Variants in KALRN observed in about 807,000 individuals in gnomAD.
KALRN encodes the protein kalirin RhoGEF kinase.
Under a neutral mutation model 353.7 loss-of-function variants are expected in KALRN, and 70 were observed. That is an observed-to-expected ratio of 0.20 (90% CI 0.16 to 0.24). The LOEUF is 0.24. Among genes scored for constraint, KALRN ranks in the 10% least tolerant of loss-of-function variants. The pLI, the probability that KALRN is intolerant of heterozygous loss-of-function variation, is 1.00. For missense variants in KALRN, 2,791 were observed against 3,756.7 expected (o/e 0.74, Z 6.72); for synonymous variants, 1,391 against 1,434.8 (o/e 0.97, Z 0.69).
chr3:124,301,990 C>T (rs555185695), intron 6 of KALRN, among the ~76,000 whole-genome samples: 2 of 152,254 alleles, frequency 1.3e-5, no homozygotes, highest in Non-Finnish European at 2.9e-5. Flanking sequence ...TTCACAGATC[C>T]CTTTGAAATC....
At chr3:124,257,738 C>T (rs1282063053) in intron 3 of KALRN, among the ~76,000 whole-genome samples, 1 of 152,178 alleles carries the variant, frequency 6.6e-6, no homozygotes, top group African/African-American at 2.4e-5. Context: ...AGGGCAGTGG[C>T]TGCCTTCTCC....
chr3:124,199,421 G>A (rs894226978), intron 1 of KALRN, among the ~76,000 whole-genome samples: 1 of 152,176 alleles, frequency 6.6e-6, no homozygotes, highest in African/African-American at 2.4e-5. Context: ...TCCTCCCTGG[G>A]ATCTGTGGAG....
At chr3:124,096,008 C>G (rs1055582016) in intron 1 of KALRN, 2 of 152,028 alleles carry the variant, frequency 1.3e-5, no homozygotes, top group African/African-American at 4.8e-5. Context: ...GGAAACCAAA[C>G]CAGCACACAC....
intron 5 of KALRN, among the ~76,000 whole-genome samples, chr3:124,285,736 A>G (rs1221905806): frequency 6.6e-6 from 1 of 152,118 alleles, no homozygotes; most frequent in African/African-American, 2.4e-5. Context: ...GGGTTTTGCC[A>G]TGTCGGCCAG....
At position 124,495,986 on chromosome 3, in the gene KALRN, T is replaced by TACAC. The variant is rs1328398797; in HGVS notation, c.4833-324_4833-323insCACA. 2.5e-4 allele frequency among the ~76,000 whole-genome samples: 13 copies of TACAC among 52,786 alleles called. No individual in the cohort carries two copies. The South Asian group carries it at 4.1e-3, about 17-fold the overall frequency. The allele number at this position is 52,786 out of a possible 152,430, so 34.6% of individuals were successfully genotyped here. Reference sequence around the variant, plus strand: ...GTATGTATATATATATATATATATATATATATATATATATATATATATATA... The same window carrying TACAC: ...GTATGTATATATATATATATATATATACACATATATATATATATATATATATATA... On this transcript the variant is annotated intron_variant, in intron 32 of 59. Transcript: ENST00000682506.
At chr3:124,227,554 A>G (rs2078660213) in intron 1 of KALRN, among the ~76,000 whole-genome samples, 1 of 151,848 alleles carries the variant, frequency 6.6e-6, no homozygotes, top group Non-Finnish European at 1.5e-5. Flanking sequence ...AATTCAACAG[A>G]TATTTCCTGA....
chr3:124,566,017 C>T (rs189916502), intron 34 of KALRN, among the ~76,000 whole-genome samples: 2 of 152,292 alleles, frequency 1.3e-5, no homozygotes, highest in African/African-American at 4.8e-5. Context: ...ATTCTGCCAA[C>T]CAGCATAGCT....
At chr3:124,718,443 G>C (rs1455785696) in intron 59 of KALRN, among the ~76,000 whole-genome samples, 1 of 152,098 alleles carries the variant, frequency 6.6e-6, no homozygotes, top group African/African-American at 2.4e-5. Flanking sequence ...CTATTAAAGA[G>C]AATCTGGGCT....
At chr3:124,296,783 C>A (rs548131007) in intron 5 of KALRN, among the ~76,000 whole-genome samples, 22 of 152,352 alleles carry the variant, frequency 1.4e-4, no homozygotes, top group African/African-American at 5.3e-4. Flanking sequence ...TGGGCTATCC[C>A]AGTTCTGTCG....
intron 25 of KALRN, among the ~76,000 whole-genome samples, chr3:124,474,372 G>A (rs536022188): frequency 1.4e-4 from 22 of 152,146 alleles, no homozygotes; most frequent in African/African-American, 5.3e-4. Flanking sequence ...ATTCTTACTT[G>A]CTGATAAAAA....
chr3:124,463,431 A>G (rs2060038266), intron 25 of KALRN, among the ~76,000 whole-genome samples: 1 of 152,194 alleles, frequency 6.6e-6, no homozygotes, highest in Admixed American at 6.5e-5. Context: ...GGCCATGTGT[A>G]CAGGTGTAGC....
intron 1 of KALRN, among the ~76,000 whole-genome samples, chr3:124,138,697 G>A (rs975037679): frequency 2.0e-5 from 3 of 152,144 alleles, no homozygotes; most frequent in African/African-American, 7.2e-5. Context: ...GGTCTTCATA[G>A]ATCAGTCATC....
chr3:124,595,106 A>T (rs924542), intron 34 of KALRN, among the ~76,000 whole-genome samples: 37,074 of 151,986 alleles, frequency 0.24, 4,711 homozygotes, highest in East Asian at 0.32. Context: ...GAAAATACAG[A>T]TAAGTGAAGA....
At chr3:124,287,155 A>G (rs188484391) in intron 5 of KALRN, among the ~76,000 whole-genome samples, 175 of 152,254 alleles carry the variant, frequency 1.1e-3, no homozygotes, top group African/African-American at 4.1e-3. Flanking sequence ...CAGAGAGCTC[A>G]TGAAAGCCTC....
intron 33 of KALRN, among the ~76,000 whole-genome samples, chr3:124,511,238 T>C (rs1342268804): frequency 6.6e-6 from 1 of 152,216 alleles, no homozygotes; most frequent in East Asian, 1.9e-4. Flanking sequence ...TAACAATGAG[T>C]TGAACACTCT....
intron 33 of KALRN, among the ~76,000 whole-genome samples, chr3:124,534,941 G>A (rs569379409): frequency 7.8e-4 from 119 of 152,160 alleles, no homozygotes; most frequent in African/African-American, 2.7e-3. Flanking sequence ...GCGTCAATGC[G>A]GGGAGGGGTA....
At chr3:124,155,421 T>C (rs1338641058) in intron 1 of KALRN, among the ~76,000 whole-genome samples, 2 of 152,212 alleles carry the variant, frequency 1.3e-5, no homozygotes, top group Admixed American at 6.5e-5. Context: ...TTGAGTTTGA[T>C]TGTACTAAGT....
At chr3:124,483,089 G>A (rs1273223903) in intron 28 of KALRN, among the ~76,000 whole-genome samples, 189 bp downstream of exon 28, 1 of 152,222 alleles carries the variant, frequency 6.6e-6, no homozygotes, top group East Asian at 1.9e-4. Flanking sequence ...TAAGGCAGAA[G>A]GGGGAGAAAA....
chr3:124,343,623 T>C (rs952622714), intron 9 of KALRN, among the ~76,000 whole-genome samples: 5 of 152,360 alleles, frequency 3.3e-5, no homozygotes, highest in Non-Finnish European at 2.9e-5. Flanking sequence ...TTATCCCCTA[T>C]GCAAGCCATG....
Sources: allele counts gnomAD v4.1 joint callset (sites outside exome capture counted in the v4.1 genomes callset), GRCh38; gene constraint gnomAD v4.1.1; transcripts MANE v1.5; gene names NCBI Gene and HGNC (gene_info 2026-07-23, HGNC 2026-07-21).